CEP290: variants seen among roughly 807,000 people sequenced by gnomAD.
CEP290 encodes centrosomal protein of 290 kDa.
In CEP290, 317 loss-of-function variants were observed where a neutral mutation model predicts 344.9. That is an observed-to-expected ratio of 0.92 (90% CI 0.84 to 1.01). The LOEUF (loss-of-function observed/expected upper bound fraction) is 1.01, where lower values mean the gene tolerates loss of function less well. Ranked by LOEUF, CEP290 falls within the 50% of genes least tolerant of loss-of-function variation. CEP290 has a pLI of 0.00. For synonymous variants in CEP290, 932 were observed against 895.8 expected, an observed-to-expected ratio of 1.04 and a Z score of -0.72; for missense variants, 2,754 against 2,761.4, an observed-to-expected ratio of 1.00 and a Z score of 0.06.
At position 88,114,519 on chromosome 12, in the gene CEP290, C is replaced by T. The variant is rs1402439930; in HGVS notation, c.1953G>A (p.Met651Ile). ...CCTTAATTGCTTGCAATATTTCTTT[C>T]ATACCTTCTTCAAGTTGCTTATTTT... ...VEENKQLEEG[M>I]KEILQAIKEM... is the part of the protein sequence containing the mutation. The change falls in exon 20 of 54, where the codon ATG becomes ATA. Residue 651 changes from methionine to isoleucine, a missense_variant. Met to Ile is a conservative substitution (Grantham distance 10). Coordinates refer to ENST00000552810, the MANE Select transcript of CEP290 (RefSeq NM_025114.4). 6.5e-7 allele frequency: 1 copy of T among 1,542,156 alleles called. No individual in the cohort carries two copies. The highest frequency in any genetic ancestry group is 2.5e-5 in the East Asian group (1 of 40,814).
chr12:88,105,265 T>A (rs1258997733), intron 25 of CEP290, among the ~76,000 whole-genome samples: 1 of 152,210 alleles, frequency 6.6e-6, no homozygotes, highest in African/African-American at 2.4e-5. Flanking sequence ...AAGGACTCTC[T>A]TTGGCTAAAG....
rs2036574314 is a variant in CEP290, at chr12:88,086,387, A to G, written c.4302+4T>C. On this transcript the variant is annotated splice_donor_region_variant and intron_variant, in intron 33 of 53. Transcript: ENST00000552810. Reference sequence around the variant, plus strand: ...GAGTAACAAACAAGATTAATCATTCATACCTTTTGTGCCGCATTTAGTATT... The same window carrying G: ...GAGTAACAAACAAGATTAATCATTCGTACCTTTTGTGCCGCATTTAGTATT... 6.4e-7 allele frequency: 1 copy of G among 1,574,204 alleles called. No homozygotes were observed. The highest frequency in any genetic ancestry group is 1.3e-5 in the African/African-American group (1 of 74,294).
At position 88,139,127 on chromosome 12, in the gene CEP290, G is replaced by A; in HGVS notation, c.297+18C>T. ...AAATTAATGACAATTACATCCTAGG[G>A]AATACAAAAAGACATACCTCCAGTT... On this transcript the variant is annotated intron_variant, in intron 5 of 53. Coordinates refer to ENST00000552810, the MANE Select transcript of CEP290 (RefSeq NM_025114.4). 1 of 1,144,284 alleles carries A rather than the reference G, an allele frequency of 8.7e-7. No homozygotes were observed. 70.9% of individuals were successfully genotyped at this position (1,144,284 alleles called of 1,614,324 possible). A position where few individuals can be genotyped will look rare whatever the true frequency, so the allele number is the denominator to read the frequency against.
chr12:88,080,575 G>A (rs763489494), intron 37 of CEP290, among the ~76,000 whole-genome samples, 180 bp from the exon 38 acceptor site: 7 of 151,974 alleles, frequency 4.6e-5, no homozygotes, highest in South Asian at 2.1e-4. Flanking sequence ...GACTACGGGC[G>A]TGCACCATCA....
intron 22 of CEP290, among the ~76,000 whole-genome samples, chr12:88,110,366 C>T (rs1340997698): frequency 3.3e-5 from 5 of 152,068 alleles, no homozygotes; most frequent in African/African-American, 7.2e-5. Flanking sequence ...GGTAGATTAA[C>T]ATTTTATTGC....
chr12:88,056,349 C>T (rs1203881719), intron 49 of CEP290, among the ~76,000 whole-genome samples: 1 of 151,884 alleles, frequency 6.6e-6, no homozygotes, highest in Non-Finnish European at 1.5e-5. Flanking sequence ...ATAATGCTTA[C>T]AATATCCAAA....
chr12:88,068,713 A>G (rs2035136983), intron 43 of CEP290, 68 bp from the exon 44 acceptor site: 1 of 1,484,564 alleles, frequency 6.7e-7, no homozygotes, highest in East Asian at 2.5e-5. Flanking sequence ...CTATATAAAA[A>G]TACAAGATAA....
chr12:88,087,843 G>GTT lies in CEP290; in HGVS notation c.4129_4130dup (p.Asn1377LysfsTer3), dbSNP rs1305107201. 1 of 1,274,094 alleles carries GTT rather than the reference G, an allele frequency of 7.8e-7. No individual in the cohort carries two copies. Among genetic ancestry groups the GTT allele is most frequent in the East Asian group, 3.1e-5 (1 of 31,962 alleles). The allele number at this position is 1,274,094 out of a possible 1,614,324, so 78.9% of individuals were successfully genotyped here. A position where few individuals can be genotyped will look rare whatever the true frequency, so the allele number is the denominator to read the frequency against. ...TTGTACGTTCATATTCAGAAATTAT[G>GTT]TTATTCAAATATTTTATTTCTTCTT... On this transcript the variant is annotated frameshift_variant, in exon 32 of 54. Coordinates refer to ENST00000552810, the MANE Select transcript of CEP290 (RefSeq NM_025114.4). LOFTEE classifies it high-confidence loss of function.
chr12:88,093,929 AC>A lies in CEP290; in HGVS notation c.3149del (p.Ser1050MetfsTer10). ...MDKAKKSITNSDIVSISKKIT... is the reference protein window; with the variant it reads ...MDKAKKSITNXDIVSISKKIT... ...TTTTTTTTGAAATGGAAACAATGTCACTGTTGGTTATTGATTTCTTTGCCTT... is the reference window on the plus strand; with the variant it reads ...TTTTTTTTGAAATGGAAACAATGTCATGTTGGTTATTGATTTCTTTGCCTT... On this transcript the variant is annotated frameshift_variant, in exon 28 of 54. Transcript: ENST00000552810. LOFTEE classifies it high-confidence loss of function. 4 of 1,612,308 alleles carry A rather than the reference AC, an allele frequency of 2.5e-6. No individual in the cohort carries two copies. Among genetic ancestry groups the A allele is most frequent in the Non-Finnish European group, 3.4e-6 (4 of 1,179,334 alleles).
chr12:88,049,424 A>G lies in CEP290; in HGVS notation c.7210-10T>C. ...GCTTCTTTATTTCCTCCTAATGGAA[A>G]CATTATCTTTAAAAGTTGCATATAG... On this transcript the variant is annotated splice_polypyrimidine_tract_variant and intron_variant, in intron 53 of 53. Transcript: ENST00000552810. 1 of 1,288,950 alleles carries G rather than the reference A, an allele frequency of 7.8e-7. No individual in the cohort carries two copies. The highest frequency in any genetic ancestry group is 1.1e-6 in the Non-Finnish European group (1 of 925,564). The allele number at this position is 1,288,950 out of a possible 1,614,324, so 79.8% of individuals were successfully genotyped here. A position where few individuals can be genotyped will look rare whatever the true frequency, so the allele number is the denominator to read the frequency against.
chr12:88,115,100 T>A lies in CEP290; in HGVS notation c.1907A>T (p.Lys636Ile). 1 of 1,412,678 alleles carries A rather than the reference T, an allele frequency of 7.1e-7. No homozygotes were observed. The highest frequency in any genetic ancestry group is 9.7e-7 in the Non-Finnish European group (1 of 1,026,314). 87.5% of individuals were successfully genotyped at this position (1,412,678 alleles called of 1,614,324 possible). ...SRTVIAKFQNKLKELVEENKQ... is the reference protein window; with the variant it reads ...SRTVIAKFQNILKELVEENKQ... ...AGTAAAAGATAATTGTAACTTACAT[T>A]TATTCTGAAATTTGGCTATCACTGT... Residue 636 changes from lysine (K) to isoleucine (I), a missense_variant and splice_region_variant, in exon 19 of 54, where the codon AAA (lysine) becomes ATA (isoleucine). Physicochemically the swap from Lys to Ile is moderately radical, Grantham distance 102. Coordinates refer to ENST00000552810, the MANE Select transcript of CEP290 (RefSeq NM_025114.4).
intron 39 of CEP290, 137 bp downstream of exon 39, chr12:88,078,955 G>T: frequency 1.7e-6 from 1 of 575,254 alleles, no homozygotes; most frequent in Non-Finnish European, 2.8e-6. Context: ...AAAAATGCAT[G>T]TGTGTGTCTA....
intron 49 of CEP290, among the ~76,000 whole-genome samples, chr12:88,057,725 T>C (rs1205786839): frequency 6.6e-6 from 1 of 152,156 alleles, no homozygotes; most frequent in Non-Finnish European, 1.5e-5. Context: ...TGTCCTTTAA[T>C]ATGCCTGCTT....
At chr12:88,130,468 A>C in intron 8 of CEP290, 48 bp from the exon 9 acceptor site, 1 of 1,597,648 alleles carries the variant, frequency 6.3e-7, no homozygotes, top group Admixed American at 1.8e-5. Context: ...ATTCAGAATA[A>C]CAAAATCATA....
Position 88,115,111 on chromosome 12 carries a change from T to C in CEP290, c.1896A>G (p.Lys632=), listed in dbSNP as rs1330141689. The part of the protein sequence containing the change: ...DLERSRTVIA[K]FQNKLKELVE... ...ATTGTAACTTACATTTATTCTGAAA[T>C]TTGGCTATCACTGTCCTACTCCTTT... Residue 632 remains lysine, a synonymous_variant, in exon 19 of 54, where the codon AAA becomes AAG. Coordinates refer to ENST00000552810, the MANE Select transcript of CEP290 (RefSeq NM_025114.4). 1 of 1,444,584 alleles carries C rather than the reference T, an allele frequency of 6.9e-7. No individual in the cohort carries two copies. Among genetic ancestry groups the C allele is most frequent in the East Asian group, 2.3e-5 (1 of 43,274 alleles). The allele number at this position is 1,444,584 out of a possible 1,614,324, so 89.5% of individuals were successfully genotyped here.
rs1197986828 is a variant in CEP290 at position 88,077,615 on chromosome 12, CATAG to C, written c.5586+78_5586+81del. On this transcript the variant is annotated intron_variant, in intron 40 of 53. Transcript: ENST00000552810. ...TTTGAAAGTCAGTTTTAACAAATAC[CATAG>C]ATAAAATGATAAAGTAGAAATAAAC... is the stretch of plus-strand genomic sequence containing the variant. 6.9e-6 allele frequency: 6 copies of C among 871,360 alleles called. No individual in the cohort carries two copies. In the African/African-American group the frequency reaches 1.0e-4, roughly 15 times the overall value. 54.0% of individuals were successfully genotyped at this position (871,360 alleles called of 1,614,324 possible).
chr12:88,080,504 A>T, intron 37 of CEP290, 109 bp from the exon 38 acceptor site: 1 of 723,618 alleles, frequency 1.4e-6, no homozygotes, highest in Non-Finnish European at 2.2e-6. Context: ...ATCTCGGCTG[A>T]CTGCAACCTC....
At position 88,089,244 on chromosome 12, in the gene CEP290, G is replaced by T. The variant is rs531461478; in HGVS notation, c.3817C>A (p.Gln1273Lys). ...LRQTIQSLRR[Q>K]FSGALPLAQQ... ...GCCAAGGGTAAAGCTCCACTAAACT[G>T]TCGTCGTAGAGACTGAATTGTTTGG... The change falls in exon 31 of 54, where the codon CAG becomes AAG. Residue 1273 changes from glutamine to lysine, a missense_variant. Coordinates refer to ENST00000552810, the MANE Select transcript of CEP290 (RefSeq NM_025114.4). 4 of 1,613,914 alleles carry T rather than the reference G, an allele frequency of 2.5e-6. No individual in the cohort carries two copies. In the African/African-American group the frequency reaches 5.3e-5, roughly 22 times the overall value.
chr12:88,097,331 A>G (rs1470935672), intron 26 of CEP290, among the ~76,000 whole-genome samples: 2 of 151,940 alleles, frequency 1.3e-5, no homozygotes, highest in Non-Finnish European at 2.9e-5. Context: ...CGCTATTCTC[A>G]TAATAGTAAG....
Sources: gnomAD v4.1 joint callset for allele counts (sites outside exome capture counted in the v4.1 genomes callset) on GRCh38, gnomAD v4.1.1 for gene constraint, MANE v1.5 for transcripts, NCBI Gene and HGNC (gene_info 2026-07-23, HGNC 2026-07-21) for gene names.